Variants in CNTNAP2 observed in about 807,000 individuals in gnomAD.
The protein encoded by CNTNAP2 is contactin-associated protein-like 2.
In CNTNAP2, 98 loss-of-function variants were observed where a neutral mutation model predicts 155.2. The ratio of observed to expected loss-of-function variants is 0.63; its 90% CI spans 0.54 to 0.75. The LOEUF (loss-of-function observed/expected upper bound fraction) is 0.75. Among genes scored for constraint, CNTNAP2 ranks in the 30% least tolerant of loss-of-function variants. The probability of loss-of-function intolerance (pLI) is 0.00; values close to 1 mark genes in which losing one functional copy is unlikely to be tolerated. For synonymous variants in CNTNAP2, 651 were observed against 631.2 expected, an observed-to-expected ratio of 1.03 and a Z score of -0.47; for missense variants, 1,727 against 1,688.1, an observed-to-expected ratio of 1.02 and a Z score of -0.40.
chr7:147,937,714 A>G (rs1299826920), intron 14 of CNTNAP2, among the ~76,000 whole-genome samples: 1 of 152,158 alleles, frequency 6.6e-6, no homozygotes, highest in African/African-American at 2.4e-5. Flanking sequence ...GTCACTCACA[A>G]TTCCCTGGAT....
At chr7:147,566,350 G>GGAAGGGGGAGGGGGAAGGGGA (rs1800170428) in intron 12 of CNTNAP2, among the ~76,000 whole-genome samples, 1 of 118,910 alleles carries the variant, frequency 8.4e-6, no homozygotes, top group Non-Finnish European at 1.7e-5. Flanking sequence ...GGAGGGGAAA[G>GGAAGGGGGAGGGGGAAGGGGA]GAAGGGGGAG....
intron 15 of CNTNAP2, among the ~76,000 whole-genome samples, chr7:148,106,177 G>A (rs540257335): frequency 6.6e-6 from 1 of 152,122 alleles, no homozygotes; most frequent in Non-Finnish European, 1.5e-5. Flanking sequence ...GAATACTGTG[G>A]ATATAGTTAA....
intron 1 of CNTNAP2, among the ~76,000 whole-genome samples, chr7:146,380,615 T>A (rs1795367488): frequency 6.6e-6 from 1 of 151,996 alleles, no homozygotes; most frequent in African/African-American, 2.4e-5. Flanking sequence ...TTTTAAAATA[T>A]TTTTTCAGTT....
intron 1 of CNTNAP2, among the ~76,000 whole-genome samples, chr7:146,771,177 A>G (rs1333730144): frequency 6.6e-6 from 1 of 152,194 alleles, no homozygotes; most frequent in Non-Finnish European, 1.5e-5. Flanking sequence ...TAATTACCAT[A>G]GCATACTATA....
chr7:146,227,593 C>T (rs1359481148), intron 1 of CNTNAP2, among the ~76,000 whole-genome samples: 2 of 151,972 alleles, frequency 1.3e-5, no homozygotes, highest in African/African-American at 4.8e-5. Context: ...ATAAAGAGAA[C>T]ATTGAGTGTA....
intron 4 of CNTNAP2, among the ~76,000 whole-genome samples, chr7:147,053,416 C>A (rs1328217497): frequency 1.3e-5 from 2 of 151,954 alleles, no homozygotes; most frequent in African/African-American, 2.4e-5. Flanking sequence ...CATGGTGAGC[C>A]TACCTTTATA....
Position 146,447,354 on chromosome 7 carries a change from G to A in CNTNAP2, c.98-326917G>A, listed in dbSNP as rs183446151. Among the ~76,000 whole-genome samples, 18 of 152,164 alleles carry A rather than the reference G, an allele frequency of 1.2e-4. No individual in the cohort carries two copies. In the East Asian group the frequency reaches 3.1e-3, roughly 26 times the overall value. The stretch of plus-strand genomic sequence containing the variant: ...TGATGTTAAAGAAAGAAATGTGCAT[G>A]TCTGAAGTTGAGGTTCAGCAATGCA... On this transcript the variant is annotated intron_variant, in intron 1 of 23. Coordinates refer to ENST00000361727, the MANE Select transcript of CNTNAP2 (RefSeq NM_014141.6).
At chr7:147,256,835 A>G (rs1356875234) in intron 8 of CNTNAP2, among the ~76,000 whole-genome samples, 1 of 152,036 alleles carries the variant, frequency 6.6e-6, no homozygotes, top group African/African-American at 2.4e-5. Flanking sequence ...GGGTGGAGGA[A>G]GATTTGGATA....
At chr7:147,854,245 G>A (rs1798999169) in intron 13 of CNTNAP2, among the ~76,000 whole-genome samples, 1 of 152,132 alleles carries the variant, frequency 6.6e-6, no homozygotes, top group Non-Finnish European at 1.5e-5. Context: ...AACAATATAA[G>A]CTCATGTGCA....
At chr7:146,911,052 A>G (rs1034335716) in intron 3 of CNTNAP2, among the ~76,000 whole-genome samples, 5 of 152,044 alleles carry the variant, frequency 3.3e-5, no homozygotes, top group African/African-American at 7.3e-5. Flanking sequence ...AACACATGAA[A>G]AAATGCTCAT....
chr7:147,914,195 C>G (rs1216607021), intron 14 of CNTNAP2, among the ~76,000 whole-genome samples: 3 of 151,810 alleles, frequency 2.0e-5, no homozygotes, highest in African/African-American at 7.3e-5. Context: ...GTGAAAAAAG[C>G]AAGTTGACAA....
At chr7:148,015,915 A>G (rs1238346723) in intron 15 of CNTNAP2, among the ~76,000 whole-genome samples, 1 of 152,226 alleles carries the variant, frequency 6.6e-6, no homozygotes, top group Non-Finnish European at 1.5e-5. Flanking sequence ...TTCAAATTCT[A>G]ATCCTTTCCA....
chr7:146,719,757 T>A (rs1223849741), intron 1 of CNTNAP2, among the ~76,000 whole-genome samples: 1 of 152,184 alleles, frequency 6.6e-6, no homozygotes, highest in Non-Finnish European at 1.5e-5. Flanking sequence ...CTGTGTTTTC[T>A]TTTTAAGGAA....
At chr7:147,359,789 C>T (rs886876199) in intron 9 of CNTNAP2, among the ~76,000 whole-genome samples, 10 of 151,974 alleles carry the variant, frequency 6.6e-5, no homozygotes, top group Admixed American at 1.3e-4. Flanking sequence ...CTTCCCTGAC[C>T]GCCCTAAAGT....
intron 9 of CNTNAP2, among the ~76,000 whole-genome samples, chr7:147,328,851 A>T (rs1479842): frequency 1.3e-5 from 2 of 151,896 alleles, no homozygotes; most frequent in African/African-American, 4.8e-5. Context: ...GGAGAGACAC[A>T]GTAACTTTAC....
Position 146,839,834 on chromosome 7 carries a change from C to T in CNTNAP2, c.332C>T (p.Thr111Ile). 6.2e-7 allele frequency: 1 copy of T among 1,614,068 alleles called. No individual in the cohort carries two copies. The highest frequency in any genetic ancestry group is 8.5e-7 in the Non-Finnish European group (1 of 1,180,010). ...AGGTATAGCAGCTCAGATTGGGTGA[C>T]CCAATACCGGATGCTCTACAGCGAC... ...QGRYSSSDWVTQYRMLYSDTG... is the reference protein window; with the variant it reads ...QGRYSSSDWVIQYRMLYSDTG... Residue 111 changes from threonine (T) to isoleucine (I), a missense_variant, in exon 3 of 24, where the codon ACC becomes ATC. Thr to Ile is a moderately conservative substitution (Grantham distance 89). Transcript: ENST00000361727.
chr7:146,808,160 A>C (rs557825870), intron 2 of CNTNAP2, among the ~76,000 whole-genome samples: 3 of 152,210 alleles, frequency 2.0e-5, no homozygotes, highest in Non-Finnish European at 2.9e-5. Context: ...AATATAATTT[A>C]TTCATTGAAG....
At chr7:147,794,068 A>C (rs1481175318) in intron 13 of CNTNAP2, among the ~76,000 whole-genome samples, 1 of 151,896 alleles carries the variant, frequency 6.6e-6, no homozygotes, top group Non-Finnish European at 1.5e-5. Flanking sequence ...ATTCCTTATG[A>C]TGTTTTATAT....
At chr7:146,299,235 C>T (rs1428368440) in intron 1 of CNTNAP2, among the ~76,000 whole-genome samples, 2 of 152,098 alleles carry the variant, frequency 1.3e-5, no homozygotes, top group Non-Finnish European at 2.9e-5. Flanking sequence ...CATGCCACTG[C>T]ACTCCAGCCT....
Sources: allele counts gnomAD v4.1 joint callset (sites outside exome capture counted in the v4.1 genomes callset), GRCh38; gene constraint gnomAD v4.1.1; transcripts MANE v1.5; gene names NCBI Gene and HGNC (gene_info 2026-07-23, HGNC 2026-07-21).